OTUD3: variants seen among roughly 807,000 people sequenced by gnomAD.
OTUD3 encodes OTU domain-containing protein 3.
In OTUD3, 24 loss-of-function variants were observed where a neutral mutation model predicts 46.2. The observed-to-expected ratio is 0.52, with a 90% CI of 0.38 to 0.73. OTUD3 has a LOEUF of 0.73. Ranked by LOEUF, OTUD3 falls within the 30% of genes least tolerant of loss-of-function variation. The probability of loss-of-function intolerance (pLI) is 0.00; values close to 1 mark genes in which losing one functional copy is unlikely to be tolerated. For synonymous variants in OTUD3, 189 were observed against 195.4 expected (o/e 0.97, Z 0.27); for missense variants, 455 against 523.3 (o/e 0.87, Z 1.27).
At chr1:19,902,132 A>G (rs561500864) in intron 4 of OTUD3, among the ~76,000 whole-genome samples, 2 of 152,272 alleles carry the variant, frequency 1.3e-5, no homozygotes, top group East Asian at 3.9e-4. Context: ...GCCACCGGTA[A>G]TGTATGAAGG....
chr1:19,882,517 T>C lies in OTUD3; in HGVS notation c.4T>C (p.Ser2Pro). 1 of 1,346,928 alleles carries C rather than the reference T, an allele frequency of 7.4e-7. No homozygotes were observed. The highest frequency in any genetic ancestry group is 9.5e-7 in the Non-Finnish European group (1 of 1,057,290). 83.4% of individuals were successfully genotyped at this position (1,346,928 alleles called of 1,614,324 possible). The change falls in exon 1 of 8, where the codon TCC becomes CCC. Residue 2 changes from serine (S) to proline (P), a missense_variant. Physicochemically the swap from Ser to Pro is moderately conservative, Grantham distance 74. Transcript: ENST00000375120. Reference sequence around the variant, plus strand: ...CTGGGGACTGCAGGCTAAGGCCATGTCCCGAAAGCAGGCGGCGAAGAGCCG... The same window carrying C: ...CTGGGGACTGCAGGCTAAGGCCATGCCCCGAAAGCAGGCGGCGAAGAGCCG... M[S>P]RKQAAKSRPG...
intron 1 of OTUD3, among the ~76,000 whole-genome samples, chr1:19,888,544 A>G (rs186718375): frequency 5.6e-4 from 85 of 152,356 alleles, no homozygotes; most frequent in African/African-American, 1.8e-3. Flanking sequence ...ACTCTTAAAT[A>G]TTATTTTTAA....
At chr1:19,905,049 T>A in intron 6 of OTUD3, 62 bp downstream of exon 6, 1 of 953,830 alleles carries the variant, frequency 1.0e-6, no homozygotes, top group Admixed American at 2.2e-5. Context: ...TTTCCAAATA[T>A]TTATTTTTTA....
intron 4 of OTUD3, among the ~76,000 whole-genome samples, chr1:19,903,347 A>T (rs2100310694): frequency 6.6e-6 from 1 of 152,218 alleles, no homozygotes; most frequent in East Asian, 1.9e-4. Flanking sequence ...CCACTGCACC[A>T]GGCCCATAAA....
At chr1:19,897,702 A>G in intron 4 of OTUD3, 40 bp downstream of exon 4, 1 of 1,598,078 alleles carries the variant, frequency 6.3e-7, no homozygotes, top group Non-Finnish European at 8.5e-7. Flanking sequence ...TCCCCGCCCT[A>G]CAGGAAACAG....
intron 1 of OTUD3, among the ~76,000 whole-genome samples, chr1:19,888,243 T>C (rs2045397704): frequency 6.6e-6 from 1 of 152,192 alleles, no homozygotes; most frequent in South Asian, 2.1e-4. Context: ...TCCTGGAATG[T>C]CAATAATGTG....
intron 1 of OTUD3, among the ~76,000 whole-genome samples, chr1:19,887,314 C>G (rs2100245848): frequency 6.6e-6 from 1 of 152,216 alleles, no homozygotes; most frequent in African/African-American, 2.4e-5. Flanking sequence ...AAACTGCTGA[C>G]CTCAGGTGAT....
chr1:19,888,734 C>G (rs2045406143), intron 1 of OTUD3, among the ~76,000 whole-genome samples: 1 of 152,128 alleles, frequency 6.6e-6, no homozygotes, highest in Admixed American at 6.5e-5. Context: ...ATGTTTAATA[C>G]ATATAAAGTG....
At chr1:19,907,517 G>A in intron 7 of OTUD3, 53 bp from the exon 8 acceptor site, 1 of 1,564,312 alleles carries the variant, frequency 6.4e-7, no homozygotes. Context: ...TCTAGCAGGT[G>A]GCAGCTTGAG....
intron 4 of OTUD3, among the ~76,000 whole-genome samples, chr1:19,898,696 C>A (rs556855295): frequency 6.6e-6 from 1 of 151,406 alleles, no homozygotes; most frequent in Non-Finnish European, 1.5e-5. Flanking sequence ...CCATTGCACT[C>A]CAGCCTGGGC....
rs1462368623 is a variant in OTUD3 at position 19,910,450 on chromosome 1, G to A, written c.*2704G>A. ...TTAGTGGCAACAGCTTTGAACTAGA[G>A]AGGTAGATGTATTAAAGCAGCATAG... On this transcript the variant is annotated 3_prime_UTR_variant, in exon 8 of 8. Transcript: ENST00000375120. 6.6e-6 allele frequency: 1 copy of A among 152,316 alleles called. No individual in the cohort carries two copies. Among genetic ancestry groups the A allele is most frequent in the Non-Finnish European group, 1.5e-5 (1 of 68,038 alleles). 9.4% of individuals were successfully genotyped at this position (152,316 alleles called of 1,614,324 possible). A position where few individuals can be genotyped will look rare whatever the true frequency, so the allele number is the denominator to read the frequency against.
Position 19,910,642 on chromosome 1 carries a change from GTTTC to G in OTUD3, c.*2900_*2903del, listed in dbSNP as rs2045722547. ...TAAATGTTAGTCGAAGTTGTCTGTA[GTTTC>G]TTTATTAAGCTCTGAAAACACTTCC... On this transcript the variant is annotated 3_prime_UTR_variant, in exon 8 of 8. Transcript: ENST00000375120. 6.6e-6 allele frequency: 1 copy of G among 152,382 alleles called. No individual in the cohort carries two copies. The highest frequency in any genetic ancestry group is 2.4e-5 in the African/African-American group (1 of 41,472). The allele number at this position is 152,382 out of a possible 1,614,324, so 9.4% of individuals were successfully genotyped here. A position where few individuals can be genotyped will look rare whatever the true frequency, so the allele number is the denominator to read the frequency against.
In OTUD3 at chr1:19,892,450, T is replaced by G. The variant is rs149266554; in HGVS notation, c.370+1917T>G. 2.4e-3 allele frequency among the ~76,000 whole-genome samples: 358 copies of G among 152,286 alleles called. 3 individuals carry two copies. Among genetic ancestry groups the G allele is most frequent in the African/African-American group, 8.3e-3 (343 of 41,544 alleles). On this transcript the variant is annotated intron_variant, in intron 2 of 7. Transcript: ENST00000375120. Reference sequence around the variant, plus strand: ...GTGCCCGGCATCTGGTAGACATTCATAAAGTGAATAAATGAATGGTTCACT... The same window carrying G: ...GTGCCCGGCATCTGGTAGACATTCAGAAAGTGAATAAATGAATGGTTCACT...
rs16823095 is a variant in OTUD3, at chr1:19,908,537, G to T, written c.*791G>T. 0.026 allele frequency: 3,992 copies of T among 152,462 alleles called. 162 individuals carry two copies. Among genetic ancestry groups the T allele is most frequent in the Admixed American group, 0.091 (1,390 of 15,300 alleles). 9.4% of individuals were successfully genotyped at this position (152,462 alleles called of 1,614,324 possible). A position where few individuals can be genotyped will look rare whatever the true frequency, so the allele number is the denominator to read the frequency against. On this transcript the variant is annotated 3_prime_UTR_variant, in exon 8 of 8. Transcript: ENST00000375120. ...ATGGCATGTTACTGCTTGTGATACA[G>T]TTCTGGAATTCTGATAGTGTGTAGA...
intron 4 of OTUD3, among the ~76,000 whole-genome samples, chr1:19,901,304 A>G (rs7550181): frequency 0.017 from 2,520 of 152,262 alleles, 75 homozygotes; most frequent in African/African-American, 0.056. Context: ...TTATTATTTA[A>G]TTGACTTTGT....
Position 19,911,273 on chromosome 1 carries a change from A to T in OTUD3, c.*3527A>T, listed in dbSNP as rs1446022806. On this transcript the variant is annotated 3_prime_UTR_variant, in exon 8 of 8. Coordinates refer to ENST00000375120, the MANE Select transcript of OTUD3 (RefSeq NM_015207.2). ...GCCGTTTTTCTGTTTTGCCATTCTC[A>T]TTATTCACAGCTTTCAGAACAAGTG... 1 of 152,052 alleles carries T rather than the reference A, an allele frequency of 6.6e-6. No individual in the cohort carries two copies. Among genetic ancestry groups the T allele is most frequent in the East Asian group, 1.9e-4 (1 of 5,338 alleles). The allele number at this position is 152,052 out of a possible 1,614,324, so 9.4% of individuals were successfully genotyped here.
Position 19,912,930 on chromosome 1 carries a change from C to A in OTUD3, c.*5184C>A, listed in dbSNP as rs1446176961. ...ATGGAGTTTTGTATACCAATAAATT[C>A]TAGTTTAAAAACAAAGTTTTAAGTT... is the stretch of plus-strand genomic sequence containing the variant. On this transcript the variant is annotated 3_prime_UTR_variant, in exon 8 of 8. Transcript: ENST00000375120. 6.6e-6 allele frequency: 1 copy of A among 152,242 alleles called. No individual in the cohort carries two copies. Among genetic ancestry groups the A allele is most frequent in the East Asian group, 1.9e-4 (1 of 5,338 alleles). 9.4% of individuals were successfully genotyped at this position (152,242 alleles called of 1,614,324 possible).
In OTUD3 at chr1:19,882,402, A is replaced by T. The variant is rs1171556012; in HGVS notation, c.-112A>T. The T allele has an allele frequency of 1.5e-5, 20 of 1,299,174 alleles. No homozygotes were observed. The highest frequency in any genetic ancestry group is 1.9e-5 in the Non-Finnish European group (20 of 1,026,452). The allele number at this position is 1,299,174 out of a possible 1,614,324, so 80.5% of individuals were successfully genotyped here. A position where few individuals can be genotyped will look rare whatever the true frequency, so the allele number is the denominator to read the frequency against. On this transcript the variant is annotated 5_prime_UTR_variant, in exon 1 of 8. Transcript: ENST00000375120. The stretch of plus-strand genomic sequence containing the variant: ...GCCGGCGCAGGCGCGGTTGCTGCGT[A>T]GTCGTCGCCGGGCTCCGTTGCCCGC...
chr1:19,911,057 C>A lies in OTUD3; in HGVS notation c.*3311C>A, dbSNP rs757064372. The stretch of plus-strand genomic sequence containing the variant: ...CAGTCAGTTGAAGGAAACTTGGATT[C>A]CTAGTCAGAGGTGACTAAAAGTTAC... On this transcript the variant is annotated 3_prime_UTR_variant, in exon 8 of 8. Transcript: ENST00000375120. 5 of 152,310 alleles carry A rather than the reference C, an allele frequency of 3.3e-5. No individual in the cohort carries two copies. The highest frequency in any genetic ancestry group is 5.9e-5 in the Non-Finnish European group (4 of 68,034). The allele number at this position is 152,310 out of a possible 1,614,324, so 9.4% of individuals were successfully genotyped here.
Sources: gnomAD v4.1 joint callset for allele counts (sites outside exome capture counted in the v4.1 genomes callset) on GRCh38, gnomAD v4.1.1 for gene constraint, MANE v1.5 for transcripts, NCBI Gene and HGNC (gene_info 2026-07-23, HGNC 2026-07-21) for gene names.